CYB5R4: variants seen among roughly 807,000 people sequenced by gnomAD.
The protein encoded by CYB5R4 is N-terminal cytochrome b5 and cytochrome b5 oxidoreductase domain-containing protein.
In CYB5R4, 55 loss-of-function variants were observed where a neutral mutation model predicts 70.2. The observed-to-expected ratio is 0.78, with a 90% confidence interval of 0.63 to 0.98. The LOEUF is 0.98. CYB5R4 is among the 50% of genes least tolerant of loss of function. The pLI, the probability that CYB5R4 is intolerant of heterozygous loss-of-function variation, is 0.00. For missense variants in CYB5R4, 562 were observed against 612.6 expected, an observed-to-expected ratio of 0.92 and a Z score of 0.87; for synonymous variants, 197 against 199.5, an observed-to-expected ratio of 0.99 and a Z score of 0.11.
chr6:83,885,910 T>C (rs1431211945), intron 2 of CYB5R4, among the ~76,000 whole-genome samples: 1 of 152,156 alleles, frequency 6.6e-6, no homozygotes, highest in Non-Finnish European at 1.5e-5. Flanking sequence ...GAAACGAAAA[T>C]ATAAGTCCAC....
intron 2 of CYB5R4, among the ~76,000 whole-genome samples, chr6:83,866,521 C>T (rs938863651): frequency 6.6e-6 from 1 of 152,032 alleles, no homozygotes; most frequent in Non-Finnish European, 1.5e-5. Context: ...ATTTGGGATA[C>T]TTAACCTCTA....
chr6:83,939,047 G>T (rs2099469356), intron 12 of CYB5R4, among the ~76,000 whole-genome samples: 1 of 151,874 alleles, frequency 6.6e-6, no homozygotes, highest in Non-Finnish European at 1.5e-5. Context: ...TGTTCGTCAG[G>T]CTGGTCTTGA....
At position 83,914,429 on chromosome 6, in the gene CYB5R4, G is replaced by T; in HGVS notation, c.426G>T (p.Glu142Asp). 1 of 1,526,948 alleles carries T rather than the reference G, an allele frequency of 6.5e-7. No homozygotes were observed. The highest frequency in any genetic ancestry group is 8.9e-7 in the Non-Finnish European group (1 of 1,122,678). 94.6% of individuals were successfully genotyped at this position (1,526,948 alleles called of 1,614,324 possible). A position where few individuals can be genotyped will look rare whatever the true frequency, so the allele number is the denominator to read the frequency against. ...KPAVLKDYRE[E>D]EKKVLNGMLP... ...ATCACTATACAGACTATCGTGAGGA[G>T]GAAAAGAAAGTCTTAAATGGTAAGT... is the stretch of plus-strand genomic sequence containing the variant. The change falls in exon 5 of 16, where the codon GAG (glutamate) becomes GAT (aspartate). Residue 142 changes from glutamate to aspartate, a missense_variant. Coordinates refer to ENST00000369681, the MANE Select transcript of CYB5R4 (RefSeq NM_016230.4).
chr6:83,952,084 A>G (rs1490023857), intron 14 of CYB5R4, among the ~76,000 whole-genome samples: 1 of 152,158 alleles, frequency 6.6e-6, no homozygotes. Context: ...TTTTTACACT[A>G]GAGTGGATTG....
chr6:83,924,656 G>C (rs964452803), intron 10 of CYB5R4, 64 bp downstream of exon 10: 22 of 1,555,510 alleles, frequency 1.4e-5, no homozygotes, highest in Non-Finnish European at 1.9e-5. Flanking sequence ...TTGTACAGTT[G>C]TACCAGAGTT....
intron 12 of CYB5R4, among the ~76,000 whole-genome samples, chr6:83,938,411 TAGAG>T (rs775283622): frequency 2.6e-5 from 4 of 152,210 alleles, no homozygotes; most frequent in Non-Finnish European, 5.9e-5. Flanking sequence ...TTGTGTCACT[TAGAG>T]AGTTGTACAC....
chr6:83,917,392 GTTCT>G lies in CYB5R4; in HGVS notation c.446-610_446-607del, dbSNP rs374795309. Among the ~76,000 whole-genome samples the G allele has an allele frequency of 7.1e-3, 1,079 of 152,130 alleles. 5 individuals are homozygous for G. The highest frequency in any genetic ancestry group is 0.012 in the Non-Finnish European group (846 of 67,964). On this transcript the variant is annotated intron_variant, in intron 5 of 15. Coordinates refer to ENST00000369681, the MANE Select transcript of CYB5R4 (RefSeq NM_016230.4). ...ATACTAACCAAAAATGTAGATATGTGTTCTTTAAGAATATGCATGTACCTGTAAA... is the reference window on the plus strand; with the variant it reads ...ATACTAACCAAAAATGTAGATATGTGTTAAGAATATGCATGTACCTGTAAA...
At chr6:83,947,823 TACCATCTCACATCATTAGG>T (rs1429182396) in intron 14 of CYB5R4, among the ~76,000 whole-genome samples, 1 of 152,194 alleles carries the variant, frequency 6.6e-6, no homozygotes, top group African/African-American at 2.4e-5. Flanking sequence ...CACAATGAGA[TACCATCTCACATCATTAGG>T]ATGGCGATCA....
chr6:83,901,400 C>T (rs999544370), intron 3 of CYB5R4, among the ~76,000 whole-genome samples: 2 of 152,144 alleles, frequency 1.3e-5, no homozygotes, highest in Admixed American at 1.3e-4. Flanking sequence ...ACATTTTTTC[C>T]TTCATTTCAA....
rs1344915713 is a variant in CYB5R4 at position 83,961,936 on chromosome 6, T to C, written c.*2058T>C. On this transcript the variant is annotated 3_prime_UTR_variant, in exon 16 of 16. Coordinates refer to ENST00000369681, the MANE Select transcript of CYB5R4 (RefSeq NM_016230.4). ...TGTTATATTTTATTATATTTTGTTA[T>C]ATTTATATTTTGTTTATATTTTAAA... 3 of 151,766 alleles carry C rather than the reference T, an allele frequency of 2.0e-5. No individual in the cohort carries two copies. The highest frequency in any genetic ancestry group is 3.9e-4 in the East Asian group (2 of 5,186). 9.4% of individuals were successfully genotyped at this position (151,766 alleles called of 1,614,324 possible).
intron 2 of CYB5R4, among the ~76,000 whole-genome samples, chr6:83,883,301 G>A (rs560338932): frequency 2.0e-5 from 3 of 151,838 alleles, no homozygotes; most frequent in Non-Finnish European, 4.4e-5. Flanking sequence ...AAAGAATGGG[G>A]CAGAAAAATA....
intron 2 of CYB5R4, among the ~76,000 whole-genome samples, chr6:83,888,377 C>T (rs1372064011): frequency 6.6e-6 from 1 of 152,164 alleles, no homozygotes; most frequent in Non-Finnish European, 1.5e-5. Context: ...CGTGGCAACT[C>T]TGTGTCTAAC....
intron 4 of CYB5R4, 76 bp from the exon 5 acceptor site, chr6:83,914,340 A>G (rs2129138740): frequency 4.2e-6 from 6 of 1,420,800 alleles, no homozygotes; most frequent in South Asian, 1.3e-5. Context: ...TTATCTTGAA[A>G]TCAGTAATGT....
intron 3 of CYB5R4, among the ~76,000 whole-genome samples, chr6:83,906,131 C>T (rs912342515): frequency 6.6e-6 from 1 of 152,088 alleles, no homozygotes. Flanking sequence ...GTGGTGATAC[C>T]CTGCCTCTGG....
At chr6:83,871,039 C>T (rs1387788755) in intron 2 of CYB5R4, among the ~76,000 whole-genome samples, 3 of 143,242 alleles carry the variant, frequency 2.1e-5, no homozygotes, top group Non-Finnish European at 3.0e-5. Flanking sequence ...TGCAATGGCA[C>T]GATCTCGGCT....
rs751974069 is a variant in CYB5R4, at chr6:83,909,114, A to C, written c.412+24A>C. On this transcript the variant is annotated intron_variant, in intron 4 of 15. Transcript: ENST00000369681. ...AGGTAAGTGGTGCTGGTGCTAAACC[A>C]GCATGGATGTGTGGTGCACATGTAT... The C allele has an allele frequency of 4.4e-6, 7 of 1,593,208 alleles. No individual in the cohort carries two copies. In the Admixed American group the frequency reaches 8.4e-5, roughly 19 times the overall value.
At chr6:83,946,269 A>T (rs2099470595) in intron 14 of CYB5R4, among the ~76,000 whole-genome samples, 1 of 152,230 alleles carries the variant, frequency 6.6e-6, no homozygotes, top group Non-Finnish European at 1.5e-5. Flanking sequence ...CTGATTCAAC[A>T]TACACAAATC....
rs1172790764 is a variant in CYB5R4, at chr6:83,963,450, G to GA, written c.*3578dup. 6.6e-6 allele frequency: 1 copy of GA among 152,012 alleles called. No homozygotes were observed. The highest frequency in any genetic ancestry group is 1.5e-5 in the Non-Finnish European group (1 of 67,994). The allele number at this position is 152,012 out of a possible 1,614,324, so 9.4% of individuals were successfully genotyped here. A position where few individuals can be genotyped will look rare whatever the true frequency, so the allele number is the denominator to read the frequency against. ...GATAACAGACCCCCATTTTTGGGCAGAAAAAACAGATTCTGTATGATCTAC... is the reference window on the plus strand; with the variant it reads ...GATAACAGACCCCCATTTTTGGGCAGAAAAAAACAGATTCTGTATGATCTAC... On this transcript the variant is annotated 3_prime_UTR_variant, in exon 16 of 16. Coordinates refer to ENST00000369681, the MANE Select transcript of CYB5R4 (RefSeq NM_016230.4).
intron 3 of CYB5R4, among the ~76,000 whole-genome samples, chr6:83,898,952 T>G (rs987951556): frequency 6.6e-6 from 1 of 152,186 alleles, no homozygotes; most frequent in African/African-American, 2.4e-5. Flanking sequence ...TGAATACCCT[T>G]TATTTCCTTC....
Sources: gnomAD v4.1 joint callset for allele counts (sites outside exome capture counted in the v4.1 genomes callset) on GRCh38, gnomAD v4.1.1 for gene constraint, MANE v1.5 for transcripts, NCBI Gene and HGNC (gene_info 2026-07-23, HGNC 2026-07-21) for gene names.